MYOCD: variants seen among roughly 807,000 people sequenced by gnomAD.
MYOCD encodes myocardin.
In MYOCD, 32 loss-of-function variants were observed where a neutral mutation model predicts 96.1. The ratio of observed to expected loss-of-function variants is 0.33; its 90% confidence interval spans 0.25 to 0.45. The LOEUF is 0.45. Among genes scored for constraint, MYOCD ranks in the 20% least tolerant of loss-of-function variants. The pLI, the probability that MYOCD is intolerant of heterozygous loss-of-function variation, is 1.00. For synonymous variants in MYOCD, 469 were observed against 469.0 expected (o/e 1.00, Z 0.00); for missense variants, 1,133 against 1,200.6 (o/e 0.94, Z 0.83).
chr17:12,760,705 G>A lies in MYOCD; in HGVS notation c.2387G>A (p.Gly796Glu), dbSNP rs1330962800. 2.5e-6 allele frequency: 4 copies of A among 1,613,326 alleles called. No individual in the cohort carries two copies. The highest frequency in any genetic ancestry group is 2.5e-6 in the Non-Finnish European group (3 of 1,179,514). The change falls in exon 13 of 14, where the codon GGA (glycine) becomes GAA (glutamate). Residue 796 changes from glycine (G) to glutamate (E), a missense_variant and splice_region_variant. Coordinates refer to ENST00000425538, the MANE Select transcript of MYOCD (RefSeq NM_001146312.3). ...CTCCTGGACGTGCTTATTGAAAGCGGAGGTAAGACTGCCTGTGTCCTGTCC... is the reference window on the plus strand; with the variant it reads ...CTCCTGGACGTGCTTATTGAAAGCGAAGGTAAGACTGCCTGTGTCCTGTCC... ...DELLDVLIES[G>E]EMPADAREDH...
intron 5 of MYOCD, among the ~76,000 whole-genome samples, chr17:12,732,862 G>A (rs2032220230): frequency 1.3e-5 from 2 of 152,182 alleles, no homozygotes; most frequent in African/African-American, 4.8e-5. Context: ...CCCCTTTACT[G>A]AGGCAAGTCC....
chr17:12,674,325 G>C (rs1637804), intron 1 of MYOCD, among the ~76,000 whole-genome samples: 6 of 152,128 alleles, frequency 3.9e-5, no homozygotes, highest in African/African-American at 7.2e-5. Context: ...ACAACTCCAG[G>C]CATATATCCA....
rs751599966 is a variant in MYOCD at position 12,746,043 on chromosome 17, C to T, written c.1096C>T (p.Pro366Ser). The change falls in exon 9 of 14, where the codon CCA (proline) becomes TCA (serine). Residue 366 changes from proline (P) to serine (S), a missense_variant. Pro to Ser is a moderately conservative substitution (Grantham distance 74). Coordinates refer to ENST00000425538, the MANE Select transcript of MYOCD (RefSeq NM_001146312.3). ...TGGTGTCTCTTCTTTCAAACCAGGC[C>T]CACTCCCACCTAACCTGGATGATCT... The part of the protein sequence containing the change: ...QTGVSSFKPG[P>S]LPPNLDDLKV... 1.2e-6 allele frequency: 2 copies of T among 1,614,152 alleles called. No individual in the cohort carries two copies. Among genetic ancestry groups the T allele is most frequent in the Admixed American group, 1.7e-5 (1 of 60,024 alleles).
At chr17:12,684,550 G>C (rs2029990889) in intron 1 of MYOCD, among the ~76,000 whole-genome samples, 1 of 152,162 alleles carries the variant, frequency 6.6e-6, no homozygotes, top group Non-Finnish European at 1.5e-5. Context: ...CAATGATTAA[G>C]AATTTCACAA....
chr17:12,721,045 A>T (rs2031819005), intron 4 of MYOCD, among the ~76,000 whole-genome samples: 1 of 148,044 alleles, frequency 6.8e-6, no homozygotes, highest in South Asian at 2.1e-4. Context: ...AAAAAAAAAT[A>T]GGTGACTCTA....
chr17:12,715,096 A>G (rs2031598169), intron 2 of MYOCD, among the ~76,000 whole-genome samples: 1 of 152,072 alleles, frequency 6.6e-6, no homozygotes, highest in Non-Finnish European at 1.5e-5. Context: ...CCCACCCCAC[A>G]GACACAGACC....
At chr17:12,736,834 A>G (rs2032360898) in intron 6 of MYOCD, among the ~76,000 whole-genome samples, 1 of 152,236 alleles carries the variant, frequency 6.6e-6, no homozygotes, top group African/African-American at 2.4e-5. Flanking sequence ...GTTTCTACCT[A>G]GCAAGCTGCA....
intron 1 of MYOCD, among the ~76,000 whole-genome samples, chr17:12,685,902 C>T (rs1466564729): frequency 2.6e-5 from 4 of 152,182 alleles, no homozygotes. Flanking sequence ...TGTAGATACA[C>T]ACACGAATGC....
chr17:12,766,771 A>G lies in MYOCD; in HGVS notation c.*3127A>G, dbSNP rs1269874542. The G allele has an allele frequency of 6.6e-6, 1 of 152,192 alleles. No individual in the cohort carries two copies. The highest frequency in any genetic ancestry group is 2.4e-5 in the African/African-American group (1 of 41,458). 9.4% of individuals were successfully genotyped at this position (152,192 alleles called of 1,614,324 possible). On this transcript the variant is annotated 3_prime_UTR_variant, in exon 14 of 14. Coordinates refer to ENST00000425538, the MANE Select transcript of MYOCD (RefSeq NM_001146312.3). ...GTTTTCTTAAGACCTCTGAACCCCC[A>G]TGGTGATGAAGACTTGAAGACATTT...
At chr17:12,725,608 A>G (rs1039399223) in intron 5 of MYOCD, among the ~76,000 whole-genome samples, 3 of 149,518 alleles carry the variant, frequency 2.0e-5, no homozygotes, top group African/African-American at 7.3e-5. Flanking sequence ...TATATTACAT[A>G]GTGGAATACT....
At chr17:12,732,836 T>C (rs1449731909) in intron 5 of MYOCD, among the ~76,000 whole-genome samples, 2 of 152,198 alleles carry the variant, frequency 1.3e-5, no homozygotes, top group African/African-American at 4.8e-5. Flanking sequence ...ACTTCAGGGC[T>C]GCAACAATCT....
chr17:12,762,857 A>G (rs1049525190), intron 13 of MYOCD: 19 of 552,044 alleles, frequency 3.4e-5, no homozygotes, highest in Admixed American at 2.4e-4. Flanking sequence ...AGAGAGTTTA[A>G]TAATCACAGA....
chr17:12,701,416 T>TAAATA lies in MYOCD; in HGVS notation c.56-3690_56-3686dup, dbSNP rs893828171. On this transcript the variant is annotated intron_variant, in intron 1 of 13. Transcript: ENST00000425538. ...GACAGAGTGAGACTCCGTCTCAAAA[T>TAAATA]AAATAAAATAAAATAAAATAAAATA... Among the ~76,000 whole-genome samples the TAAATA allele has an allele frequency of 4.3e-3, 650 of 152,124 alleles. 4 individuals carry two copies. The highest frequency in any genetic ancestry group is 0.01 in the Middle Eastern group (3 of 294).
rs2033379834 is a variant in MYOCD at position 12,767,791 on chromosome 17, A to T, written c.*4147A>T. 1 of 152,122 alleles carries T rather than the reference A, an allele frequency of 6.6e-6. No individual in the cohort carries two copies. The highest frequency in any genetic ancestry group is 2.4e-5 in the African/African-American group (1 of 41,426). 9.4% of individuals were successfully genotyped at this position (152,122 alleles called of 1,614,324 possible). On this transcript the variant is annotated 3_prime_UTR_variant, in exon 14 of 14. Transcript: ENST00000425538. ...TTAAAACATCCACGAGAGTTTGAAGATTTGTGTTGATTGCCAGATACAGAA... is the reference window on the plus strand; with the variant it reads ...TTAAAACATCCACGAGAGTTTGAAGTTTTGTGTTGATTGCCAGATACAGAA...
At chr17:12,740,258 G>A (rs1436999204) in intron 7 of MYOCD, among the ~76,000 whole-genome samples, 1 of 152,104 alleles carries the variant, frequency 6.6e-6, no homozygotes, top group African/African-American at 2.4e-5. Flanking sequence ...TTCGGAGATT[G>A]TAGTGCACCC....
chr17:12,694,473 G>T (rs2030639670), intron 1 of MYOCD, among the ~76,000 whole-genome samples: 2 of 152,146 alleles, frequency 1.3e-5, no homozygotes, highest in Non-Finnish European at 2.9e-5. Context: ...AGCCACCCAG[G>T]GACGAATTCC....
At chr17:12,751,964 T>C (rs981345704) in intron 9 of MYOCD, among the ~76,000 whole-genome samples, 6 of 152,178 alleles carry the variant, frequency 3.9e-5, no homozygotes, top group African/African-American at 1.4e-4. Flanking sequence ...TTCTGGCGCA[T>C]GTTCAGGTTT....
chr17:12,747,274 G>A (rs1251857828), intron 9 of MYOCD, among the ~76,000 whole-genome samples: 1 of 152,182 alleles, frequency 6.6e-6, no homozygotes, highest in Non-Finnish European at 1.5e-5. Context: ...TGGAAAGAGA[G>A]AGATGGGCAG....
At chr17:12,706,529 A>G (rs2031295798) in intron 2 of MYOCD, among the ~76,000 whole-genome samples, 1 of 152,218 alleles carries the variant, frequency 6.6e-6, no homozygotes, top group African/African-American at 2.4e-5. Context: ...ACCTTTCCGT[A>G]AGCCCAAGTT....
Sources: allele counts gnomAD v4.1 joint callset (sites outside exome capture counted in the v4.1 genomes callset), GRCh38; gene constraint gnomAD v4.1.1; transcripts MANE v1.5; gene names NCBI Gene and HGNC (gene_info 2026-07-23, HGNC 2026-07-21).